Variants in GRIA1 observed in about 807,000 individuals in gnomAD.
GRIA1 encodes glutamate receptor 1.
A neutral mutation model predicts 99.2 loss-of-function variants in GRIA1; 31 were observed. That is an observed-to-expected ratio of 0.31 (90% CI 0.23 to 0.42). The LOEUF (loss-of-function observed/expected upper bound fraction) is 0.42. GRIA1 is among the 10% of genes least tolerant of loss of function. GRIA1 has a pLI of 1.00. For missense variants in GRIA1, 782 were observed against 1,157.5 expected (o/e 0.68, Z 4.71); for synonymous variants, 438 against 432.4 (o/e 1.01, Z -0.16).
chr5:153,664,501 C>T (rs753122748), intron 5 of GRIA1, among the ~76,000 whole-genome samples: 1 of 151,604 alleles, frequency 6.6e-6, no homozygotes, highest in Non-Finnish European at 1.5e-5. Flanking sequence ...CCTCTTCACC[C>T]AACCAAAGGC....
chr5:153,668,790 T>C (rs1486513617), intron 5 of GRIA1, among the ~76,000 whole-genome samples: 1 of 152,182 alleles, frequency 6.6e-6, no homozygotes, highest in East Asian at 1.9e-4. Context: ...CCCACAAATA[T>C]TCGTTCAAGA....
intron 5 of GRIA1, among the ~76,000 whole-genome samples, chr5:153,656,593 G>A (rs1251269163): frequency 1.3e-5 from 2 of 151,406 alleles, no homozygotes; most frequent in Admixed American, 6.6e-5. Context: ...GTCATGTTTT[G>A]TACCTCCAGC....
At chr5:153,627,239 G>A (rs779535256) in intron 2 of GRIA1, among the ~76,000 whole-genome samples, 33 of 152,180 alleles carry the variant, frequency 2.2e-4, no homozygotes, top group Non-Finnish European at 3.8e-4. Context: ...GCAAAAACAC[G>A]TTTTACATGC....
intron 11 of GRIA1, among the ~76,000 whole-genome samples, chr5:153,738,744 A>T (rs138877189): frequency 0.03 from 1,265 of 42,194 alleles, 13 homozygotes; most frequent in South Asian, 0.1. Flanking sequence ...TTTTTGGAGA[A>T]GGCATTTCGC....
intron 11 of GRIA1, among the ~76,000 whole-genome samples, chr5:153,710,830 G>A (rs371958209): frequency 2.0e-5 from 3 of 152,310 alleles, no homozygotes; most frequent in South Asian, 2.1e-4. Flanking sequence ...TATCGTGAAT[G>A]TGTAAGTTGG....
At chr5:153,781,946 A>C (rs1561856488) in intron 13 of GRIA1, among the ~76,000 whole-genome samples, 1 of 152,200 alleles carries the variant, frequency 6.6e-6, no homozygotes, top group Non-Finnish European at 1.5e-5. Context: ...AGGGCCAGGT[A>C]AAGAAGACGA....
At chr5:153,586,679 G>C (rs1369797024) in intron 2 of GRIA1, among the ~76,000 whole-genome samples, 17 of 152,294 alleles carry the variant, frequency 1.1e-4, no homozygotes, top group African/African-American at 4.1e-4. Flanking sequence ...TGGTGATTAA[G>C]TAAGGTAATA....
Position 153,650,503 on chromosome 5 carries a change from A to G in GRIA1, c.634A>G (p.Ile212Val). ...VDCESERLNA[I>V]LGQIIKLEKN... ...CTGTGAATCAGAACGCCTCAATGCT[A>G]TCTTGGGCCAGGTAGTGAAAGCAGC... The change falls in exon 4 of 16, where the codon ATC (isoleucine) becomes GTC (valine). Residue 212 changes from isoleucine to valine, a missense_variant. Physicochemically the swap from Ile to Val is conservative, Grantham distance 29. Around this residue, in one of 5 missense-constraint regions of GRIA1, gnomAD observed 461 missense variants for 521.7 expected, o/e 0.88. Transcript: ENST00000285900. The G allele has an allele frequency of 6.2e-7, 1 of 1,613,650 alleles. No individual in the cohort carries two copies. The highest frequency in any genetic ancestry group is 8.5e-7 in the Non-Finnish European group (1 of 1,179,756).
At chr5:153,534,629 G>A (rs570254094) in intron 2 of GRIA1, among the ~76,000 whole-genome samples, 63 of 152,294 alleles carry the variant, frequency 4.1e-4, no homozygotes, top group African/African-American at 1.4e-3. Context: ...ACAGTATCAC[G>A]TTGTGGAGTA....
chr5:153,602,619 C>G (rs941196745), intron 2 of GRIA1, among the ~76,000 whole-genome samples: 4 of 152,148 alleles, frequency 2.6e-5, no homozygotes, highest in Non-Finnish European at 4.4e-5. Context: ...CTAACACTCC[C>G]ATTTGATAGA....
At chr5:153,576,072 G>A (rs12515563) in intron 2 of GRIA1, among the ~76,000 whole-genome samples, 16,289 of 152,168 alleles carry the variant, frequency 0.11, 966 homozygotes, top group South Asian at 0.25. Context: ...TACTTCTACC[G>A]CTTGTTAGTA....
chr5:153,587,813 C>T (rs896411832), intron 2 of GRIA1, among the ~76,000 whole-genome samples: 3 of 152,110 alleles, frequency 2.0e-5, no homozygotes. Flanking sequence ...ATCCTATTTC[C>T]AGGGGGGCAT....
At position 153,770,016 on chromosome 5, in the gene GRIA1, C is replaced by T. The variant is rs540232651; in HGVS notation, c.2023-152C>T. The T allele has an allele frequency of 8.2e-6, 6 of 727,592 alleles. No individual in the cohort carries two copies. In the South Asian group the frequency reaches 8.7e-5, roughly 11 times the overall value. The allele number at this position is 727,592 out of a possible 1,614,324, so 45.1% of individuals were successfully genotyped here. A position where few individuals can be genotyped will look rare whatever the true frequency, so the allele number is the denominator to read the frequency against. ...TGGAACCTACTGGTACTAATTAGAG[C>T]CTCTTATTTTGCAATCACTCATAAT... On this transcript the variant is annotated intron_variant, in intron 12 of 15. Transcript: ENST00000285900.
At chr5:153,716,790 T>C (rs750844855) in intron 11 of GRIA1, among the ~76,000 whole-genome samples, 25 of 152,162 alleles carry the variant, frequency 1.6e-4, no homozygotes, top group Non-Finnish European at 3.7e-4. Context: ...AATGAGGAAA[T>C]AGAGTCAGAA....
chr5:153,507,547 G>T (rs1755654486), intron 2 of GRIA1, among the ~76,000 whole-genome samples: 1 of 152,066 alleles, frequency 6.6e-6, no homozygotes, highest in Non-Finnish European at 1.5e-5. Flanking sequence ...TAAAATGTGG[G>T]TGTCTGGTTT....
intron 8 of GRIA1, among the ~76,000 whole-genome samples, chr5:153,694,182 C>T (rs114248865): frequency 0.044 from 6,738 of 152,240 alleles, 205 homozygotes; most frequent in Middle Eastern, 0.12. Flanking sequence ...ATAAGTAGTG[C>T]TAGCTTTGAA....
intron 4 of GRIA1, among the ~76,000 whole-genome samples, chr5:153,651,167 C>G (rs1446005950): frequency 3.9e-5 from 6 of 152,070 alleles, no homozygotes; most frequent in Non-Finnish European, 8.8e-5. Context: ...CTTATAGGGC[C>G]AAATTTCTGG....
At chr5:153,573,828 T>G (rs1762318497) in intron 2 of GRIA1, among the ~76,000 whole-genome samples, 1 of 152,166 alleles carries the variant, frequency 6.6e-6, no homozygotes, top group Non-Finnish European at 1.5e-5. Context: ...GCATGCCAAA[T>G]GCTCGTGAGG....
intron 11 of GRIA1, among the ~76,000 whole-genome samples, chr5:153,722,304 AG>A (rs1314893943): frequency 9.2e-5 from 14 of 151,618 alleles, no homozygotes; most frequent in Non-Finnish European, 1.9e-4. Context: ...CATGTTGAAC[AG>A]AAATACATAA....
Sources: allele counts gnomAD v4.1 joint callset (sites outside exome capture counted in the v4.1 genomes callset), GRCh38; gene constraint gnomAD v4.1.1; regional missense constraint gnomAD v4.1.1; transcripts MANE v1.5; gene names NCBI Gene and HGNC (gene_info 2026-07-23, HGNC 2026-07-21).